DNAJC1: variants seen among roughly 807,000 people sequenced by gnomAD.
DNAJC1 encodes DnaJ heat shock protein family (Hsp40) member C1, also known as dnaJ homolog subfamily C member 1.
In DNAJC1, 58 loss-of-function variants were observed where a neutral mutation model predicts 76.6. The ratio of observed to expected loss-of-function variants is 0.76; its 90% CI spans 0.61 to 0.94. DNAJC1 has a LOEUF of 0.94. DNAJC1 is among the 40% of genes least tolerant of loss of function. DNAJC1 has a pLI of 0.00. For synonymous variants in DNAJC1, 258 were observed against 267.9 expected, an observed-to-expected ratio of 0.96 and a Z score of 0.36; for missense variants, 689 against 677.3, an observed-to-expected ratio of 1.02 and a Z score of -0.19.
At chr10:21,777,837 A>G (rs1025409252) in intron 9 of DNAJC1, among the ~76,000 whole-genome samples, 1 of 152,226 alleles carries the variant, frequency 6.6e-6, no homozygotes, top group Admixed American at 6.5e-5. Flanking sequence ...TGGTTCACTC[A>G]TATTAACAAA....
chr10:21,855,996 A>C lies in DNAJC1; in HGVS notation c.978+26286T>G, dbSNP rs1040389611. 9.8e-5 allele frequency among the ~76,000 whole-genome samples: 15 copies of C among 152,314 alleles called. No homozygotes were observed. In the South Asian group the frequency reaches 3.1e-3, roughly 32 times the overall value. On this transcript the variant is annotated intron_variant, in intron 8 of 11. Transcript: ENST00000376980. ...AATAGGTTGGTGTTTATTCCTCTAA[A>C]TATTCTCTAGATACAGCAAAATAAT...
chr10:21,813,229 T>TAC, intron 8 of DNAJC1, among the ~76,000 whole-genome samples: 1 of 129,768 alleles, frequency 7.7e-6, no homozygotes, highest in African/African-American at 3.1e-5. Context: ...TCTATATATA[T>TAC]ATATATATAT....
At chr10:21,978,942 A>G (rs909804199) in intron 1 of DNAJC1, among the ~76,000 whole-genome samples, 1 of 152,038 alleles carries the variant, frequency 6.6e-6, no homozygotes, top group Admixed American at 6.6e-5. Flanking sequence ...GGTTACTCAG[A>G]TTATTACAGA....
At chr10:21,845,858 T>A (rs971155479) in intron 8 of DNAJC1, among the ~76,000 whole-genome samples, 2 of 152,180 alleles carry the variant, frequency 1.3e-5, no homozygotes, top group African/African-American at 4.8e-5. Context: ...CTTGGTAATA[T>A]GCCCCCAGGA....
At chr10:21,829,919 T>C (rs1181926488) in intron 8 of DNAJC1, among the ~76,000 whole-genome samples, 1 of 152,222 alleles carries the variant, frequency 6.6e-6, no homozygotes, top group Non-Finnish European at 1.5e-5. Context: ...CTCTCTCAAT[T>C]GGCTTGGAAG....
At chr10:21,885,492 G>A (rs1356459312) in intron 7 of DNAJC1, among the ~76,000 whole-genome samples, 1 of 152,022 alleles carries the variant, frequency 6.6e-6, no homozygotes, top group African/African-American at 2.4e-5. Context: ...AAATGGATCT[G>A]ATAGATCTCT....
At chr10:21,999,645 G>A (rs575073561) in intron 1 of DNAJC1, among the ~76,000 whole-genome samples, 2 of 152,028 alleles carry the variant, frequency 1.3e-5, no homozygotes, top group East Asian at 3.9e-4. Context: ...AGTAGAAACG[G>A]GGTTTTACCA....
rs141826807 is a variant in DNAJC1, at chr10:21,972,264, A to G, written c.222+30949T>C. 2.6e-3 allele frequency among the ~76,000 whole-genome samples: 391 copies of G among 152,080 alleles called. 6 individuals are homozygous for G. The highest frequency in any genetic ancestry group is 0.024 in the Admixed American group (364 of 15,284). On this transcript the variant is annotated intron_variant, in intron 1 of 11. Transcript: ENST00000376980. ...CAATTTCCATACTTATTTTATTGCA[A>G]ACAAGTAACAAACAATCTGCAAACC... is the stretch of plus-strand genomic sequence containing the variant.
chr10:21,889,872 T>C (rs1453275394), intron 7 of DNAJC1, among the ~76,000 whole-genome samples: 1 of 152,150 alleles, frequency 6.6e-6, no homozygotes, highest in Non-Finnish European at 1.5e-5. Flanking sequence ...CAGAAAGTAG[T>C]GTTACCCCCA....
intron 8 of DNAJC1, among the ~76,000 whole-genome samples, chr10:21,869,187 G>A (rs1356221444): frequency 7.4e-6 from 1 of 134,384 alleles, no homozygotes; most frequent in Non-Finnish European, 1.5e-5. Context: ...CTGCACTCCA[G>A]CCTAGGTGAC....
intron 1 of DNAJC1, 107 bp from the exon 2 acceptor site, chr10:21,929,248 C>T (rs932362868): frequency 1.0e-5 from 7 of 690,652 alleles, no homozygotes; most frequent in Admixed American, 3.0e-5. Flanking sequence ...GTGCAGGACC[C>T]CAGGCAATGT....
In DNAJC1 at chr10:21,840,421, A is replaced by C. The variant is rs182593591; in HGVS notation, c.979-34322T>G. ...CAGCAAAGTCTCAGGATACAAAATC[A>C]ATGTACAAAAATCACAAGCATTCTT... On this transcript the variant is annotated intron_variant, in intron 8 of 11. Transcript: ENST00000376980. Among the ~76,000 whole-genome samples the C allele has an allele frequency of 4.9e-3, 747 of 152,336 alleles. 9 individuals carry two copies. The highest frequency in any genetic ancestry group is 0.017 in the African/African-American group (718 of 41,568).
chr10:21,913,228 T>C (rs1440201409), intron 6 of DNAJC1, among the ~76,000 whole-genome samples: 2 of 151,936 alleles, frequency 1.3e-5, no homozygotes, highest in African/African-American at 4.8e-5. Context: ...CACAACCAAA[T>C]GAGTTTTATA....
At chr10:21,802,148 A>T (rs1241156498) in intron 9 of DNAJC1, among the ~76,000 whole-genome samples, 1 of 152,142 alleles carries the variant, frequency 6.6e-6, no homozygotes. Flanking sequence ...AAAAGTTGTA[A>T]GGTTGAGAGG....
At chr10:21,878,851 T>G (rs1836226499) in intron 8 of DNAJC1, among the ~76,000 whole-genome samples, 1 of 152,010 alleles carries the variant, frequency 6.6e-6, no homozygotes, top group Non-Finnish European at 1.5e-5. Flanking sequence ...TGCACAAGAC[T>G]GTTCACAGAA....
Position 22,000,745 on chromosome 10 carries a change from T to C in DNAJC1, c.222+2468A>G, listed in dbSNP as rs887060360. Among the ~76,000 whole-genome samples, 14 of 152,314 alleles carry C rather than the reference T, an allele frequency of 9.2e-5. No individual in the cohort carries two copies. In the South Asian group the frequency reaches 1.9e-3, roughly 20 times the overall value. On this transcript the variant is annotated intron_variant, in intron 1 of 11. Coordinates refer to ENST00000376980, the MANE Select transcript of DNAJC1 (RefSeq NM_022365.4). ...CTAATGGATGAGATTAGTGTCCTTA[T>C]AAAAGAAGCCCCAGAGAGCTGCCCT...
intron 8 of DNAJC1, among the ~76,000 whole-genome samples, chr10:21,839,038 T>C (rs1835523278): frequency 6.6e-6 from 1 of 152,202 alleles, no homozygotes; most frequent in Non-Finnish European, 1.5e-5. Flanking sequence ...AATAAAGGTG[T>C]TCTTTGAAAC....
chr10:21,900,644 T>C (rs1590040031), intron 7 of DNAJC1, among the ~76,000 whole-genome samples: 2 of 152,316 alleles, frequency 1.3e-5, no homozygotes, highest in East Asian at 3.9e-4. Context: ...CTTTAGATAT[T>C]ATCTGCCTAC....
At chr10:21,965,544 T>A (rs1436290884) in intron 1 of DNAJC1, among the ~76,000 whole-genome samples, 4 of 152,174 alleles carry the variant, frequency 2.6e-5, no homozygotes, top group Non-Finnish European at 4.4e-5. Context: ...GATGTTTACA[T>A]TTAAGGGAAC....
Sources: allele counts gnomAD v4.1 joint callset (sites outside exome capture counted in the v4.1 genomes callset), GRCh38; gene constraint gnomAD v4.1.1; transcripts MANE v1.5; gene names NCBI Gene and HGNC (gene_info 2026-07-23, HGNC 2026-07-21).